The following HACE1 variants were observed in gnomAD, a reference collection of about 807,000 sequenced individuals.
HACE1 encodes the protein E3 ubiquitin-protein ligase HACE1.
A neutral mutation model predicts 118.4 loss-of-function variants in HACE1; 73 were observed. That is an observed-to-expected ratio of 0.62 (90% CI 0.51 to 0.75). The LOEUF is 0.75. HACE1 is among the 30% of genes least tolerant of loss of function. The probability of loss-of-function intolerance (pLI) is 0.00; values close to 1 mark genes in which losing one functional copy is unlikely to be tolerated. For synonymous variants in HACE1, 368 were observed against 374.8 expected, an observed-to-expected ratio of 0.98 and a Z score of 0.21; for missense variants, 749 against 1,102.2, an observed-to-expected ratio of 0.68 and a Z score of 4.54.
intron 6 of HACE1, among the ~76,000 whole-genome samples, chr6:104,819,044 T>C (rs1239441596): frequency 2.0e-5 from 3 of 152,132 alleles, no homozygotes; most frequent in Non-Finnish European, 2.9e-5. Context: ...GCCAGGGCCA[T>C]CAGGCAAGAG....
chr6:104,847,211 T>C (rs1775747933), intron 4 of HACE1, among the ~76,000 whole-genome samples: 1 of 152,256 alleles, frequency 6.6e-6, no homozygotes, highest in Non-Finnish European at 1.5e-5. Flanking sequence ...AGTCGCCTAC[T>C]GAAATGACAG....
At chr6:104,850,511 C>T (rs1238226296) in intron 3 of HACE1, among the ~76,000 whole-genome samples, 2 of 152,078 alleles carry the variant, frequency 1.3e-5, no homozygotes, top group Non-Finnish European at 2.9e-5. Flanking sequence ...GATTACATAC[C>T]AGGAGACTGT....
At chr6:104,811,434 C>A in intron 6 of HACE1, 41 bp from the exon 7 acceptor site, 1 of 932,514 alleles carries the variant, frequency 1.1e-6, no homozygotes, top group South Asian at 1.3e-5. Flanking sequence ...CCAGAGGAAT[C>A]AAACAAAAGA....
chr6:104,839,497 A>G (rs1774881016), intron 5 of HACE1, among the ~76,000 whole-genome samples: 1 of 152,200 alleles, frequency 6.6e-6, no homozygotes, highest in African/African-American at 2.4e-5. Flanking sequence ...AATGGTTGCT[A>G]TAGGTTAGCC....
At chr6:104,800,282 C>T (rs1447094086) in intron 7 of HACE1, among the ~76,000 whole-genome samples, 1 of 152,174 alleles carries the variant, frequency 6.6e-6, no homozygotes, top group Non-Finnish European at 1.5e-5. Context: ...CTTCTGTGGG[C>T]AGGGCATAGC....
Position 104,744,462 on chromosome 6 carries a change from A to C in HACE1, c.2442+50T>G. ...ATCCAATAGTGCTGAAAAGCTTACA[A>C]AATTAAACGGCAAAACTTAACTTCA... On this transcript the variant is annotated intron_variant, in intron 21 of 23. Coordinates refer to ENST00000262903, the MANE Select transcript of HACE1 (RefSeq NM_020771.4). 2.8e-6 allele frequency: 3 copies of C among 1,081,484 alleles called. No homozygotes were observed. In the South Asian group the frequency reaches 3.7e-5, roughly 13 times the overall value. The allele number at this position is 1,081,484 out of a possible 1,614,324, so 67.0% of individuals were successfully genotyped here.
intron 7 of HACE1, among the ~76,000 whole-genome samples, chr6:104,803,880 G>C (rs1225773982): frequency 6.6e-6 from 1 of 152,202 alleles, no homozygotes; most frequent in African/African-American, 2.4e-5. Context: ...TCAGGCAAGA[G>C]AAAGAAATAA....
chr6:104,816,055 A>G (rs1448103343), intron 6 of HACE1, among the ~76,000 whole-genome samples: 1 of 150,586 alleles, frequency 6.6e-6, no homozygotes, highest in African/African-American at 2.5e-5. Flanking sequence ...CCTGGGCGAC[A>G]AGAGCAAAAC....
At chr6:104,771,696 A>G (rs936133) in intron 18 of HACE1, among the ~76,000 whole-genome samples, 1 of 131,420 alleles carries the variant, frequency 7.6e-6, no homozygotes, top group African/African-American at 2.8e-5. Flanking sequence ...AAATACACAC[A>G]CAAAAATTGA....
chr6:104,849,312 T>TA (rs552453307), intron 3 of HACE1, 66 bp from the exon 4 acceptor site: 9 of 964,726 alleles, frequency 9.3e-6, no homozygotes, highest in Middle Eastern at 2.1e-4. Flanking sequence ...GTAGTTCAAT[T>TA]AAAAAACAAA....
chr6:104,844,081 C>T (rs1562495865), intron 4 of HACE1, among the ~76,000 whole-genome samples: 1 of 104,972 alleles, frequency 9.5e-6, no homozygotes, highest in Non-Finnish European at 1.9e-5. Context: ...GTTGCCCAGG[C>T]TGGAGTGCAG....
intron 19 of HACE1, among the ~76,000 whole-genome samples, chr6:104,766,150 A>G (rs1779988751): frequency 6.6e-6 from 1 of 152,234 alleles, no homozygotes; most frequent in Non-Finnish European, 1.5e-5. Flanking sequence ...CCTTGGCCCC[A>G]CGTGGGGCAC....
chr6:104,775,917 G>A (rs1029951105), intron 17 of HACE1, among the ~76,000 whole-genome samples: 7 of 152,106 alleles, frequency 4.6e-5, no homozygotes, highest in Non-Finnish European at 1.0e-4. Context: ...AAACATTTGG[G>A]GAGAGAAAAG....
chr6:104,782,208 C>A (rs1781813135), intron 14 of HACE1, among the ~76,000 whole-genome samples: 1 of 152,198 alleles, frequency 6.6e-6, no homozygotes, highest in Non-Finnish European at 1.5e-5. Flanking sequence ...TTGAACTTGT[C>A]CGGGTGTGGT....
intron 17 of HACE1, among the ~76,000 whole-genome samples, chr6:104,775,077 T>C (rs1339416519): frequency 6.6e-6 from 1 of 152,100 alleles, no homozygotes; most frequent in Non-Finnish European, 1.5e-5. Context: ...CGTAGTAGCT[T>C]ACACCTGTAA....
intron 10 of HACE1, among the ~76,000 whole-genome samples, chr6:104,793,282 A>G (rs897702018): frequency 1.3e-5 from 2 of 151,778 alleles, no homozygotes; most frequent in Admixed American, 1.3e-4. Flanking sequence ...AAAAAAAAAA[A>G]AAAATTAATT....
At chr6:104,832,022 G>T (rs1321054041) in intron 6 of HACE1, among the ~76,000 whole-genome samples, 1 of 143,618 alleles carries the variant, frequency 7.0e-6, no homozygotes, top group Non-Finnish European at 1.5e-5. Context: ...AAGGAAGGAA[G>T]GAAGGAAGGA....
intron 17 of HACE1, among the ~76,000 whole-genome samples, chr6:104,774,291 C>T (rs1433270034): frequency 7.6e-6 from 1 of 130,724 alleles, no homozygotes; most frequent in Non-Finnish European, 1.6e-5. Flanking sequence ...GGGGTTTCAC[C>T]GTTTTAGCCG....
chr6:104,738,674 G>A (rs989948667), intron 22 of HACE1, among the ~76,000 whole-genome samples: 8 of 149,824 alleles, frequency 5.3e-5, no homozygotes, highest in Non-Finnish European at 8.9e-5. Flanking sequence ...TATGTGAAAA[G>A]ACCAAATCTA....
Sources: gnomAD v4.1 joint callset for allele counts (sites outside exome capture counted in the v4.1 genomes callset) on GRCh38, gnomAD v4.1.1 for gene constraint, MANE v1.5 for transcripts, NCBI Gene and HGNC (gene_info 2026-07-23, HGNC 2026-07-21) for gene names.